NRXN1: variants seen among roughly 807,000 people sequenced by gnomAD.
The protein encoded by NRXN1 is neurexin 1, also known as neurexin-1.
Under a neutral mutation model 150.9 loss-of-function variants are expected in NRXN1, and 39 were observed. That is an observed-to-expected ratio of 0.26 (90% CI 0.20 to 0.34). NRXN1 has a LOEUF of 0.34. NRXN1 is among the 10% of genes least tolerant of loss of function. The pLI is 1.00. For missense variants in NRXN1, 1,815 were observed against 1,949.9 expected (o/e 0.93, Z 1.30); for synonymous variants, 924 against 757.0 (o/e 1.22, Z -3.62).
At chr2:50,298,190 T>C (rs1482851487) in intron 17 of NRXN1, among the ~76,000 whole-genome samples, 1 of 152,166 alleles carries the variant, frequency 6.6e-6, no homozygotes, top group Non-Finnish European at 1.5e-5. Flanking sequence ...TCTTCTTGGC[T>C]CCCTTTCTTC....
intron 17 of NRXN1, among the ~76,000 whole-genome samples, chr2:50,380,601 T>A (rs1269966565): frequency 1.3e-5 from 2 of 152,108 alleles, no homozygotes; most frequent in Non-Finnish European, 2.9e-5. Flanking sequence ...GAAAAATACC[T>A]AGCCACTAGG....
At chr2:50,580,889 A>T (rs1209203685) in intron 8 of NRXN1, among the ~76,000 whole-genome samples, 3 of 152,292 alleles carry the variant, frequency 2.0e-5, no homozygotes, top group Non-Finnish European at 4.4e-5. Flanking sequence ...GAGAAATTAA[A>T]TATAAGTTGC....
At chr2:50,642,604 A>G (rs1437224225) in intron 5 of NRXN1, among the ~76,000 whole-genome samples, 1 of 152,104 alleles carries the variant, frequency 6.6e-6, no homozygotes, top group Non-Finnish European at 1.5e-5. Context: ...TAGAATATCC[A>G]TCTTAAAGTG....
chr2:50,015,095 T>G (rs1686352612), intron 21 of NRXN1, among the ~76,000 whole-genome samples: 1 of 152,156 alleles, frequency 6.6e-6, no homozygotes, highest in Admixed American at 6.6e-5. Context: ...GCCTCTCTCA[T>G]CATTTCTTCT....
chr2:50,190,044 T>C (rs903927636), intron 18 of NRXN1, among the ~76,000 whole-genome samples: 3 of 152,148 alleles, frequency 2.0e-5, no homozygotes, highest in African/African-American at 7.2e-5. Context: ...TACTATGTCA[T>C]TGATAAACAA....
chr2:50,683,646 AAT>A (rs71225142), intron 5 of NRXN1, among the ~76,000 whole-genome samples: 9 of 14,902 alleles, frequency 6.0e-4, no homozygotes, highest in East Asian at 3.8e-3. Context: ...AAAAAAAAAA[AAT>A]ATATATATAT....
chr2:50,974,140 T>C (rs1695465076), intron 2 of NRXN1, among the ~76,000 whole-genome samples: 2 of 152,164 alleles, frequency 1.3e-5, no homozygotes, highest in South Asian at 4.1e-4. Flanking sequence ...TAAAATTAAC[T>C]CAATTATTCA....
chr2:50,134,275 A>AG (rs1706035537), intron 18 of NRXN1, among the ~76,000 whole-genome samples: 1 of 103,624 alleles, frequency 9.7e-6, no homozygotes, highest in African/African-American at 5.1e-5. Flanking sequence ...AGTAACCAGA[A>AG]AAAAAAAAAA....
intron 8 of NRXN1, among the ~76,000 whole-genome samples, chr2:50,575,151 C>A (rs1025890272): frequency 6.6e-6 from 1 of 152,180 alleles, no homozygotes; most frequent in Non-Finnish European, 1.5e-5. Flanking sequence ...TGGAAGATAA[C>A]ATTTTGAGAT....
chr2:51,007,632 TAA>T (rs1416236057), intron 2 of NRXN1, among the ~76,000 whole-genome samples: 1 of 151,898 alleles, frequency 6.6e-6, no homozygotes, highest in African/African-American at 2.4e-5. Context: ...TGATAAAGGA[TAA>T]AAGAGTTAGA....
At chr2:50,894,434 C>T (rs918862024) in intron 5 of NRXN1, among the ~76,000 whole-genome samples, 49 of 151,492 alleles carry the variant, frequency 3.2e-4, no homozygotes, top group African/African-American at 9.7e-4. Flanking sequence ...GTCAACTGCA[C>T]GAACAATTCA....
At chr2:50,708,011 G>C (rs1373256607) in intron 5 of NRXN1, among the ~76,000 whole-genome samples, 1 of 151,978 alleles carries the variant, frequency 6.6e-6, no homozygotes, top group Non-Finnish European at 1.5e-5. Context: ...TTCTTATAAA[G>C]ATTTCAGGTA....
chr2:49,958,536 C>G (rs1675371405), intron 21 of NRXN1, among the ~76,000 whole-genome samples: 1 of 152,142 alleles, frequency 6.6e-6, no homozygotes, highest in Non-Finnish European at 1.5e-5. Context: ...CTGCCCTCTT[C>G]CCTTCGTTAT....
At chr2:50,670,599 T>C (rs1313521919) in intron 5 of NRXN1, among the ~76,000 whole-genome samples, 2 of 151,920 alleles carry the variant, frequency 1.3e-5, no homozygotes, top group East Asian at 3.9e-4. Context: ...ACAGACTTTA[T>C]GTGGACTTCA....
chr2:50,555,344 G>A (rs1243026245), intron 8 of NRXN1, among the ~76,000 whole-genome samples: 3 of 152,102 alleles, frequency 2.0e-5, no homozygotes, highest in African/African-American at 7.2e-5. Flanking sequence ...CCACCACAAA[G>A]TTGAAGAATG....
intron 8 of NRXN1, among the ~76,000 whole-genome samples, chr2:50,574,835 T>C (rs1573608772): frequency 6.6e-6 from 1 of 152,226 alleles, no homozygotes; most frequent in Non-Finnish European, 1.5e-5. Flanking sequence ...CTTGCCTTGC[T>C]AGCTGGGCAG....
rs1459110160 is a variant in NRXN1 at position 50,408,973 on chromosome 2, G to GA, written c.3364+56468dup. On this transcript the variant is annotated intron_variant, in intron 17 of 22. Transcript: ENST00000401669. The stretch of plus-strand genomic sequence containing the variant: ...CATCTGACACAAACATTGAGAGCAG[G>GA]AAAAAAAATTGACATGTGGTAACTT... Among the ~76,000 whole-genome samples the GA allele has an allele frequency of 4.0e-5, 6 of 151,632 alleles. No homozygotes were observed. In the South Asian group the frequency reaches 8.4e-4, roughly 21 times the overall value.
intron 18 of NRXN1, among the ~76,000 whole-genome samples, chr2:50,100,628 T>A (rs184820909): frequency 6.6e-6 from 1 of 152,068 alleles, no homozygotes; most frequent in African/African-American, 2.4e-5. Flanking sequence ...GGTACAGACA[T>A]ATCATCAAGC....
chr2:50,509,899 G>T (rs1185245088), intron 12 of NRXN1, among the ~76,000 whole-genome samples: 4 of 152,088 alleles, frequency 2.6e-5, no homozygotes, highest in African/African-American at 9.7e-5. Flanking sequence ...GATATGATTA[G>T]GTTTAGATAA....
Sources: allele counts gnomAD v4.1 joint callset (sites outside exome capture counted in the v4.1 genomes callset), GRCh38; gene constraint gnomAD v4.1.1; transcripts MANE v1.5; gene names NCBI Gene and HGNC (gene_info 2026-07-23, HGNC 2026-07-21).